The following ARHGEF28 variants were observed in gnomAD, a reference collection of about 807,000 sequenced individuals.
ARHGEF28 encodes the protein Rho guanine nucleotide exchange factor 28.
A neutral mutation model predicts 206.6 loss-of-function variants in ARHGEF28; 152 were observed. The ratio of observed to expected loss-of-function variants is 0.74; its 90% CI spans 0.64 to 0.84. The LOEUF (loss-of-function observed/expected upper bound fraction) is 0.84. Among genes scored for constraint, ARHGEF28 ranks in the 40% least tolerant of loss-of-function variants. The pLI, the probability that ARHGEF28 is intolerant of heterozygous loss-of-function variation, is 0.00. For missense variants in ARHGEF28, 2,028 were observed against 2,073.2 expected (o/e 0.98, Z 0.42); for synonymous variants, 763 against 776.4 (o/e 0.98, Z 0.29).
At chr5:73,660,979 T>C (rs1275339815) in intron 1 of ARHGEF28, among the ~76,000 whole-genome samples, 1 of 152,236 alleles carries the variant, frequency 6.6e-6, no homozygotes, top group Non-Finnish European at 1.5e-5. Flanking sequence ...TATTAGTTCC[T>C]AATGAGAGAG....
rs1761843009 is a variant in ARHGEF28 at position 73,894,509 on chromosome 5, C to T, written c.3775C>T (p.Leu1259Phe). 1.2e-6 allele frequency: 2 copies of T among 1,613,830 alleles called. No individual in the cohort carries two copies. The highest frequency in any genetic ancestry group is 2.2e-5 in the East Asian group (1 of 44,886). Reference protein sequence around the residue: ...FEDVHLEPHLLIKPDPGEPPQ... With the variant: ...FEDVHLEPHLFIKPDPGEPPQ... Reference sequence around the variant, plus strand: ...GGACGTCCATCTAGAGCCCCACCTCCTTATTAAACCTGACCCAGGCGAGCC... The same window carrying T: ...GGACGTCCATCTAGAGCCCCACCTCTTTATTAAACCTGACCCAGGCGAGCC... The change falls in exon 29 of 36, where the codon CTT (leucine) becomes TTT (phenylalanine). Residue 1259 changes from leucine (L) to phenylalanine (F), a missense_variant. Physicochemically the swap from Leu to Phe is conservative, Grantham distance 22. Around this residue, in one of 3 missense-constraint regions of ARHGEF28, gnomAD observed 803 missense variants for 768.0 expected, o/e 1.05. Coordinates refer to ENST00000513042, the MANE Select transcript of ARHGEF28 (RefSeq NM_001177693.2).
intron 1 of ARHGEF28, among the ~76,000 whole-genome samples, chr5:73,665,242 G>T (rs183159448): frequency 6.6e-6 from 1 of 152,132 alleles, no homozygotes; most frequent in Non-Finnish European, 1.5e-5. Context: ...CTGGCTTGAA[G>T]TTCACAATAC....
chr5:73,898,891 T>C (rs1183160672), intron 30 of ARHGEF28: 2 of 152,198 alleles, frequency 1.3e-5, no homozygotes, highest in Non-Finnish European at 2.9e-5. Context: ...CAAGGTCTTA[T>C]GTGCGTAAGA....
chr5:73,782,884 A>G (rs1241549818), intron 7 of ARHGEF28, among the ~76,000 whole-genome samples: 1 of 152,198 alleles, frequency 6.6e-6, no homozygotes, highest in Non-Finnish European at 1.5e-5. Context: ...CTTGATTACA[A>G]GGGCCTATGG....
chr5:73,822,977 G>A (rs191695412), intron 9 of ARHGEF28, among the ~76,000 whole-genome samples: 28 of 152,216 alleles, frequency 1.8e-4, no homozygotes, highest in Non-Finnish European at 5.9e-5. Flanking sequence ...TTTCTTCTGG[G>A]TAACACTAAG....
intron 21 of ARHGEF28, among the ~76,000 whole-genome samples, chr5:73,871,013 A>G (rs1354025644): frequency 6.6e-6 from 1 of 152,202 alleles, no homozygotes; most frequent in Non-Finnish European, 1.5e-5. Context: ...GAGATGGTGT[A>G]TGAGTGTGCT....
Position 73,882,539 on chromosome 5 carries a change from C to G in ARHGEF28, c.2882C>G (p.Ala961Gly), listed in dbSNP as rs772676922. ...GAATTCTGTTGCCATCATAAAGAAG[C>G]TGTTAACCTCTTTAAAGAACTCCAG... ...YGEFCCHHKE[A>G]VNLFKELQQN... The change falls in exon 23 of 36, where the codon GCT (alanine) becomes GGT (glycine). Residue 961 changes from alanine to glycine, a missense_variant. By Grantham distance (60) the Ala-to-Gly change is moderately conservative. This residue lies in a region of ARHGEF28 where 223 missense variants were observed against 289.9 expected (regional missense o/e 0.77). Transcript: ENST00000513042. 6.6e-7 allele frequency: 1 copy of G among 1,511,634 alleles called. No homozygotes were observed. The highest frequency in any genetic ancestry group is 1.4e-5 in the African/African-American group (1 of 71,518). 93.6% of individuals were successfully genotyped at this position (1,511,634 alleles called of 1,614,324 possible). A position where few individuals can be genotyped will look rare whatever the true frequency, so the allele number is the denominator to read the frequency against.
chr5:73,707,117 GGC>G (rs1447394645), intron 2 of ARHGEF28, among the ~76,000 whole-genome samples: 1 of 152,154 alleles, frequency 6.6e-6, no homozygotes, highest in Non-Finnish European at 1.5e-5. Flanking sequence ...TGGACTGTGT[GGC>G]TGCCACCTTG....
chr5:73,821,752 A>G (rs2112539448), intron 9 of ARHGEF28, among the ~76,000 whole-genome samples: 1 of 152,286 alleles, frequency 6.6e-6, no homozygotes. Context: ...AACTGCATCA[A>G]GAAGGAAGGG....
intron 11 of ARHGEF28, among the ~76,000 whole-genome samples, chr5:73,845,017 T>A (rs952106326): frequency 5.0e-4 from 73 of 145,608 alleles, no homozygotes; most frequent in Middle Eastern, 3.2e-3. Flanking sequence ...AATCATTTTT[T>A]TTTTTTTTTT....
At chr5:73,737,557 G>T (rs1464796134) in intron 2 of ARHGEF28, among the ~76,000 whole-genome samples, 2 of 132,966 alleles carry the variant, frequency 1.5e-5, no homozygotes, top group Non-Finnish European at 1.6e-5. Flanking sequence ...TGTTGCCCAG[G>T]CTGGAGTGCA....
intron 9 of ARHGEF28, among the ~76,000 whole-genome samples, chr5:73,812,421 G>A (rs1755897869): frequency 6.6e-6 from 1 of 152,138 alleles, no homozygotes; most frequent in Admixed American, 6.5e-5. Flanking sequence ...TGGACATCAG[G>A]TGACCTCACA....
intron 14 of ARHGEF28, among the ~76,000 whole-genome samples, chr5:73,857,112 T>C (rs1417764984): frequency 1.3e-5 from 2 of 152,136 alleles, no homozygotes; most frequent in African/African-American, 4.8e-5. Flanking sequence ...CAGATTGTAC[T>C]GAGTGGGAGA....
intron 35 of ARHGEF28, among the ~76,000 whole-genome samples, chr5:73,936,651 G>A (rs1764435279): frequency 6.6e-6 from 1 of 152,196 alleles, no homozygotes; most frequent in Non-Finnish European, 1.5e-5. Flanking sequence ...ACTTGCCTGA[G>A]ATTACATTTT....
intron 9 of ARHGEF28, among the ~76,000 whole-genome samples, chr5:73,807,246 A>G (rs1040899548): frequency 2.0e-5 from 3 of 151,970 alleles, no homozygotes; most frequent in African/African-American, 7.2e-5. Flanking sequence ...CACATCCACT[A>G]TCTGTGTTGC....
At chr5:73,790,345 A>G (rs922853722) in intron 7 of ARHGEF28, among the ~76,000 whole-genome samples, 1 of 151,860 alleles carries the variant, frequency 6.6e-6, no homozygotes, top group Non-Finnish European at 1.5e-5. Context: ...AAAAAAAGAA[A>G]CACAAGTAAT....
At chr5:73,893,493 A>T (rs1364083807) in intron 28 of ARHGEF28, 3 of 421,906 alleles carry the variant, frequency 7.1e-6, no homozygotes, top group African/African-American at 4.0e-5. Flanking sequence ...ATTAAAATGG[A>T]TGTAAAAAAT....
chr5:73,933,162 A>T (rs1160045058), intron 35 of ARHGEF28, among the ~76,000 whole-genome samples: 1 of 150,048 alleles, frequency 6.7e-6, no homozygotes, highest in African/African-American at 2.4e-5. Flanking sequence ...ACTCAAATTT[A>T]AAAGACTGGA....
intron 35 of ARHGEF28, among the ~76,000 whole-genome samples, chr5:73,938,345 T>A (rs1213686017): frequency 6.6e-6 from 1 of 152,198 alleles, no homozygotes; most frequent in African/African-American, 2.4e-5. Flanking sequence ...TTAAGGGGAT[T>A]TTCCATGTAC....
Sources: allele counts gnomAD v4.1 joint callset (sites outside exome capture counted in the v4.1 genomes callset), GRCh38; gene constraint gnomAD v4.1.1; regional missense constraint gnomAD v4.1.1; transcripts MANE v1.5; gene names NCBI Gene and HGNC (gene_info 2026-07-23, HGNC 2026-07-21).